Variants in MTA3 observed in about 807,000 individuals in gnomAD.
The protein encoded by MTA3 is metastasis-associated protein MTA3.
A neutral mutation model predicts 83.5 loss-of-function variants in MTA3; 34 were observed. The observed-to-expected ratio is 0.41, with a 90% CI of 0.31 to 0.54. The LOEUF (loss-of-function observed/expected upper bound fraction) is 0.54, where lower values mean the gene tolerates loss of function less well. MTA3 is among the 20% of genes least tolerant of loss of function. The probability of loss-of-function intolerance (pLI) is 0.33; values close to 1 mark genes in which losing one functional copy is unlikely to be tolerated. For missense variants in MTA3, 761 were observed against 726.4 expected, an observed-to-expected ratio of 1.05 and a Z score of -0.55; for synonymous variants, 303 against 252.7, an observed-to-expected ratio of 1.20 and a Z score of -1.89.
rs1681498222 is a variant in MTA3 at position 42,594,706 on chromosome 2, AT to A, written c.191-14751del. On this transcript the variant is annotated intron_variant, in intron 3 of 16. Transcript: ENST00000405094. ...TACATATATACATATATAAATATAC[AT>A]ATATATATATATATATATATATTTT... Among the ~76,000 whole-genome samples, 2 of 30,028 alleles carry A rather than the reference AT, an allele frequency of 6.7e-5. 1 individual carries two copies. Among genetic ancestry groups the A allele is most frequent in the East Asian group, 6.5e-3 (2 of 308 alleles). 19.7% of individuals were successfully genotyped at this position (30,028 alleles called of 152,430 possible).
chr2:42,561,602 C>T (rs1331972219), intron 2 of MTA3, among the ~76,000 whole-genome samples: 2 of 152,148 alleles, frequency 1.3e-5, no homozygotes, highest in African/African-American at 2.4e-5. Context: ...GGATTACAGG[C>T]GTGAGCCACC....
At chr2:42,712,089 A>G (rs1175828467) in intron 14 of MTA3, among the ~76,000 whole-genome samples, 1 of 152,188 alleles carries the variant, frequency 6.6e-6, no homozygotes, top group Non-Finnish European at 1.5e-5. Flanking sequence ...AACCAGTGTC[A>G]TAGTCAGTTT....
rs1417252093 is a variant in MTA3, at chr2:42,539,979, T to C, written c.-140-30458T>C. Among the ~76,000 whole-genome samples the C allele has an allele frequency of 2.0e-5, 3 of 152,068 alleles. No homozygotes were observed. The East Asian group carries it at 5.8e-4, about 29-fold the overall frequency. On this transcript the variant is annotated intron_variant, in intron 2 of 17. Coordinates refer to the MTA3 transcript ENST00000405592. ...CCTGCTGTAGAATGGCTTCTTCTGC[T>C]CAGCTAGAAACTCCTCTGCCACCAG...
chr2:42,690,744 G>T (rs1262769980), intron 9 of MTA3, among the ~76,000 whole-genome samples: 1 of 145,720 alleles, frequency 6.9e-6, no homozygotes, highest in Non-Finnish European at 1.5e-5. Flanking sequence ...GCGCAATCTT[G>T]GCTCACTGTA....
chr2:42,649,158 G>C (rs1688477429), intron 6 of MTA3, among the ~76,000 whole-genome samples: 1 of 152,140 alleles, frequency 6.6e-6, no homozygotes, highest in Admixed American at 6.5e-5. Context: ...ACTTTGGGAG[G>C]CTGAGGCCGG....
chr2:42,640,993 G>T (rs985834185), intron 5 of MTA3, among the ~76,000 whole-genome samples: 1 of 151,984 alleles, frequency 6.6e-6, no homozygotes, highest in Non-Finnish European at 1.5e-5. Context: ...TGCAACCTCC[G>T]CCTCCCGGGT....
At chr2:42,594,718 A>ATG (rs1558472829) in intron 3 of MTA3, among the ~76,000 whole-genome samples, 2 of 38,654 alleles carry the variant, frequency 5.2e-5, no homozygotes, top group Admixed American at 4.0e-4. Context: ...ATATATATAT[A>ATG]TATATATATA....
intron 4 of MTA3, among the ~76,000 whole-genome samples, chr2:42,636,037 A>C (rs1362708721): frequency 6.6e-6 from 1 of 152,128 alleles, no homozygotes; most frequent in Non-Finnish European, 1.5e-5. Context: ...ATAGAATGCT[A>C]GGATTACAGG....
intron 4 of MTA3, among the ~76,000 whole-genome samples, chr2:42,631,743 G>A: frequency 6.6e-6 from 1 of 152,160 alleles, no homozygotes; most frequent in Non-Finnish European, 1.5e-5. Flanking sequence ...AGGCTGGAGT[G>A]CAGTGATCCA....
At chr2:42,740,880 A>G (rs1209771483) in intron 16 of MTA3, among the ~76,000 whole-genome samples, 2 of 152,382 alleles carry the variant, frequency 1.3e-5, no homozygotes, top group South Asian at 2.1e-4. Context: ...AAAAGTCACC[A>G]GCTGCATTAG....
rs1677165220 is a variant in MTA3 at position 42,552,589 on chromosome 2, A to T, written c.-140-17848A>T. On this transcript the variant is annotated intron_variant, in intron 2 of 17. Coordinates refer to the MTA3 transcript ENST00000405592. The stretch of plus-strand genomic sequence containing the variant: ...ATAAACGCCCAGATGGCACCACTGC[A>T]CTACCACCTGGGTGATGGAAGAGAC... Among the ~76,000 whole-genome samples, 5 of 150,880 alleles carry T rather than the reference A, an allele frequency of 3.3e-5. No individual in the cohort carries two copies. In the South Asian group the frequency reaches 1.0e-3, roughly 32 times the overall value.
At chr2:42,709,379 G>A in intron 14 of MTA3, 2 of 1,097,868 alleles carry the variant, frequency 1.8e-6, no homozygotes, top group South Asian at 3.8e-5. Flanking sequence ...GGGGTTTTGT[G>A]ATGGAATTGC....
At chr2:42,604,141 A>C (rs1682940918) in intron 3 of MTA3, among the ~76,000 whole-genome samples, 1 of 151,808 alleles carries the variant, frequency 6.6e-6, no homozygotes, top group Non-Finnish European at 1.5e-5. Flanking sequence ...TCCTGGGTTC[A>C]AGCGATTCTC....
At chr2:42,629,241 G>C (rs937704404) in intron 4 of MTA3, among the ~76,000 whole-genome samples, 4 of 151,934 alleles carry the variant, frequency 2.6e-5, no homozygotes, top group East Asian at 3.9e-4. Flanking sequence ...CACTATGCCC[G>C]GGTACTTTTT....
At chr2:42,715,845 A>G (rs1000756837) in intron 14 of MTA3, among the ~76,000 whole-genome samples, 7 of 152,194 alleles carry the variant, frequency 4.6e-5, no homozygotes, top group South Asian at 4.1e-4. Context: ...ATTACTAGTA[A>G]TATGGTGATT....
At chr2:42,713,305 A>C (rs995399215) in intron 14 of MTA3, among the ~76,000 whole-genome samples, 13 of 152,006 alleles carry the variant, frequency 8.6e-5, no homozygotes, top group African/African-American at 2.7e-4. Context: ...ACCCCACTTG[A>C]TGAAAAATGT....
At chr2:42,652,332 T>G (rs1049991344) in intron 6 of MTA3, among the ~76,000 whole-genome samples, 8 of 152,038 alleles carry the variant, frequency 5.3e-5, no homozygotes, top group Non-Finnish European at 5.9e-5. Flanking sequence ...CATTTGCGGT[T>G]TACTTCACTA....
chr2:42,560,634 G>T (rs1171650630), intron 2 of MTA3, among the ~76,000 whole-genome samples: 1 of 151,622 alleles, frequency 6.6e-6, no homozygotes, highest in Non-Finnish European at 1.5e-5. Context: ...GCGTGGCACG[G>T]TGGCTCACAC....
In MTA3 at chr2:42,644,798, G is replaced by A. The variant is rs189408559; in HGVS notation, c.499+554G>A. ...GTAATTGTTTTTGGGGCCACGAACC[G>A]TACCCATATGAAAGGATAAACTGAA... On this transcript the variant is annotated intron_variant, in intron 6 of 16. Transcript: ENST00000405094. Among the ~76,000 whole-genome samples the A allele has an allele frequency of 8.5e-5, 13 of 152,200 alleles. No individual in the cohort carries two copies. In the East Asian group the frequency reaches 1.2e-3, roughly 14 times the overall value.
Sources: allele counts gnomAD v4.1 joint callset (sites outside exome capture counted in the v4.1 genomes callset), GRCh38; gene constraint gnomAD v4.1.1; transcripts MANE v1.5; gene names NCBI Gene and HGNC (gene_info 2026-07-23, HGNC 2026-07-21).